Variants in CALN1 observed in about 807,000 individuals in gnomAD.
The protein encoded by CALN1 is calcium-binding protein 8.
Under a neutral mutation model 30.6 loss-of-function variants are expected in CALN1, and 17 were observed. The ratio of observed to expected loss-of-function variants is 0.56; its 90% CI spans 0.38 to 0.83. The LOEUF (loss-of-function observed/expected upper bound fraction) is 0.83. CALN1 is among the 40% of genes least tolerant of loss of function. The probability of loss-of-function intolerance (pLI) is 0.00; values close to 1 mark genes in which losing one functional copy is unlikely to be tolerated. For synonymous variants in CALN1, 156 were observed against 131.4 expected (o/e 1.19, Z -1.28); for missense variants, 291 against 354.9 (o/e 0.82, Z 1.45).
chr7:72,466,282 A>C, the CALN1 span, among the ~76,000 whole-genome samples: 1 of 152,056 alleles, frequency 6.6e-6, no homozygotes, highest in East Asian at 1.9e-4. Context: ...TGTGAACAGA[A>C]AATTACCTGG....
intron 3 of CALN1, among the ~76,000 whole-genome samples, chr7:72,233,778 C>T (rs933850433): frequency 7.2e-5 from 11 of 151,920 alleles, no homozygotes; most frequent in Admixed American, 2.0e-4. Flanking sequence ...TCGAGGCAGG[C>T]GGATAATCTG....
At chr7:72,503,396 G>A in the CALN1 span, among the ~76,000 whole-genome samples, 1 of 151,966 alleles carries the variant, frequency 6.6e-6, no homozygotes, top group South Asian at 2.1e-4. Flanking sequence ...CTGAGGTGGT[G>A]GTGCTCTCGG....
intron 3 of CALN1, among the ~76,000 whole-genome samples, chr7:72,197,422 G>A (rs930984765): frequency 1.3e-5 from 2 of 151,812 alleles, no homozygotes; most frequent in Non-Finnish European, 2.9e-5. Flanking sequence ...GGCTGGTCTC[G>A]AACTCCTGAC....
At chr7:72,152,207 A>G (rs1787307027) in intron 3 of CALN1, among the ~76,000 whole-genome samples, 1 of 151,998 alleles carries the variant, frequency 6.6e-6, no homozygotes, top group Non-Finnish European at 1.5e-5. Context: ...TCCCTGGTCT[A>G]TACATTCTTT....
At chr7:72,037,811 G>A (rs916129330) in intron 4 of CALN1, among the ~76,000 whole-genome samples, 2 of 152,160 alleles carry the variant, frequency 1.3e-5, no homozygotes, top group Non-Finnish European at 2.9e-5. Context: ...TAAACTGAAT[G>A]TCTTCTCAGG....
chr7:72,433,375 T>C (rs1295135626), intron 1 of CALN1, among the ~76,000 whole-genome samples: 2 of 152,012 alleles, frequency 1.3e-5, no homozygotes, highest in African/African-American at 4.8e-5. Context: ...AAAAAGAAAC[T>C]GGTTAGAAGA....
chr7:72,142,738 C>A (rs1322167505), intron 3 of CALN1, among the ~76,000 whole-genome samples: 1 of 152,204 alleles, frequency 6.6e-6, no homozygotes, highest in Non-Finnish European at 1.5e-5. Flanking sequence ...TAGGGGCAGA[C>A]TGACACCTCA....
At chr7:71,854,991 G>A (rs1790860264) in intron 5 of CALN1, among the ~76,000 whole-genome samples, 1 of 152,176 alleles carries the variant, frequency 6.6e-6, no homozygotes, top group Non-Finnish European at 1.5e-5. Context: ...TATGAACTGT[G>A]AAAAGCTCTG....
chr7:72,491,015 C>A, the CALN1 span, among the ~76,000 whole-genome samples: 1 of 152,044 alleles, frequency 6.6e-6, no homozygotes, highest in Non-Finnish European at 1.5e-5. Context: ...GAGGCCGAGG[C>A]GGGTGGATCA....
At chr7:72,271,803 C>CT (rs1294803215) in intron 3 of CALN1, among the ~76,000 whole-genome samples, 1 of 151,366 alleles carries the variant, frequency 6.6e-6, no homozygotes, top group Non-Finnish European at 1.5e-5. Context: ...TGGTTCATGC[C>CT]TATAATCCCA....
intron 4 of CALN1, among the ~76,000 whole-genome samples, chr7:72,075,250 T>C (rs1036802616): frequency 6.6e-6 from 1 of 152,232 alleles, no homozygotes; most frequent in African/African-American, 2.4e-5. Flanking sequence ...ACAGTCTACC[T>C]ATTTAACTGT....
At chr7:72,374,558 G>GGAAAAAAAAGA (rs1804434086) in intron 2 of CALN1, among the ~76,000 whole-genome samples, 2 of 138,566 alleles carry the variant, frequency 1.4e-5, no homozygotes, top group Non-Finnish European at 3.1e-5. Flanking sequence ...GGAAAAAAAA[G>GGAAAAAAAAGA]AAAAAAAAAA....
chr7:71,942,752 T>C (rs550005242), intron 5 of CALN1, among the ~76,000 whole-genome samples: 41 of 152,070 alleles, frequency 2.7e-4, no homozygotes, highest in Non-Finnish European at 4.9e-4. Flanking sequence ...AGGGTATCTG[T>C]AGTACGAAAG....
At chr7:71,938,180 T>C (rs989784450) in intron 5 of CALN1, among the ~76,000 whole-genome samples, 2 of 152,190 alleles carry the variant, frequency 1.3e-5, no homozygotes, top group Non-Finnish European at 2.9e-5. Context: ...TTTCATTCCA[T>C]AGCCATCATT....
At chr7:71,871,910 C>A (rs1235005597) in intron 5 of CALN1, among the ~76,000 whole-genome samples, 1 of 152,164 alleles carries the variant, frequency 6.6e-6, no homozygotes, top group Non-Finnish European at 1.5e-5. Flanking sequence ...CCACCATGGT[C>A]TCGATCAGGA....
chr7:72,056,326 C>T (rs976247902), intron 4 of CALN1, among the ~76,000 whole-genome samples: 2 of 151,630 alleles, frequency 1.3e-5, no homozygotes, highest in African/African-American at 4.8e-5. Flanking sequence ...TATTATAAAA[C>T]CACAATAAAA....
intron 5 of CALN1, among the ~76,000 whole-genome samples, chr7:72,000,611 C>T (rs1562967104): frequency 6.6e-6 from 1 of 151,968 alleles, no homozygotes; most frequent in Non-Finnish European, 1.5e-5. Flanking sequence ...AATTAAAAAC[C>T]ATTTTATACC....
At chr7:71,847,772 G>GA (rs1491395382) in intron 5 of CALN1, among the ~76,000 whole-genome samples, 2 of 126,184 alleles carry the variant, frequency 1.6e-5, no homozygotes, top group African/African-American at 5.5e-5. Context: ...AGAAGAAGAA[G>GA]AAAGAAGAAG....
intron 5 of CALN1, among the ~76,000 whole-genome samples, chr7:71,842,965 T>C (rs1035232150): frequency 6.6e-6 from 1 of 152,164 alleles, no homozygotes; most frequent in African/African-American, 2.4e-5. Context: ...GGAAAATCAG[T>C]GAAGGAAAAT....
Sources: gnomAD v4.1 joint callset for allele counts (sites outside exome capture counted in the v4.1 genomes callset) on GRCh38, gnomAD v4.1.1 for gene constraint, MANE v1.5 for transcripts, NCBI Gene and HGNC (gene_info 2026-07-23, HGNC 2026-07-21) for gene names.